SPAG6: variants seen among roughly 807,000 people sequenced by gnomAD.
The protein encoded by SPAG6 is sperm associated antigen 6.
Under a neutral mutation model 58.5 loss-of-function variants are expected in SPAG6, and 49 were observed. The ratio of observed to expected loss-of-function variants is 0.84; its 90% CI spans 0.67 to 1.06. The LOEUF (loss-of-function observed/expected upper bound fraction) is 1.06, where lower values mean the gene tolerates loss of function less well. SPAG6 is among the 50% of genes least tolerant of loss of function. The pLI, the probability that SPAG6 is intolerant of heterozygous loss-of-function variation, is 0.00. For missense variants in SPAG6, 560 were observed against 611.3 expected (o/e 0.92, Z 0.89); for synonymous variants, 233 against 225.6 (o/e 1.03, Z -0.29).
chr10:22,389,209 G>A lies in SPAG6; in HGVS notation c.902G>A (p.Cys301Tyr), dbSNP rs543285290. 1 of 1,613,440 alleles carries A rather than the reference G, an allele frequency of 6.2e-7. No individual in the cohort carries two copies. Among genetic ancestry groups the A allele is most frequent in the African/African-American group, 1.3e-5 (1 of 74,952 alleles). Residue 301 changes from cysteine (C) to tyrosine (Y), a missense_variant, in exon 7 of 11, where the codon TGC becomes TAC. Coordinates refer to ENST00000376624, the MANE Select transcript of SPAG6 (RefSeq NM_012443.4). The stretch of plus-strand genomic sequence containing the variant: ...GGAGGGGTTGCTGCCGTGATTGACT[G>A]CATTGGGTCCTGCAAAGGGAACACA... ...NAGGVAAVID[C>Y]IGSCKGNTRL...
chr10:22,367,522 G>A (rs549529610), intron 3 of SPAG6, among the ~76,000 whole-genome samples: 1 of 152,120 alleles, frequency 6.6e-6, no homozygotes, highest in East Asian at 1.9e-4. Context: ...TTTCAAAACA[G>A]GTGCTGTAGT....
chr10:22,357,016 C>T (rs1564361417), intron 2 of SPAG6, among the ~76,000 whole-genome samples: 1 of 152,156 alleles, frequency 6.6e-6, no homozygotes, highest in East Asian at 1.9e-4. Flanking sequence ...TTCCTGTCTC[C>T]CTTCTTGCAC....
intron 7 of SPAG6, among the ~76,000 whole-genome samples, chr10:22,391,488 G>T (rs1834182822): frequency 6.6e-6 from 1 of 152,188 alleles, no homozygotes; most frequent in East Asian, 1.9e-4. Context: ...CTATTTGGGG[G>T]GTAAAAGCTA....
chr10:22,387,793 T>C (rs1000140889), intron 5 of SPAG6, 30 bp from the exon 6 acceptor site: 1 of 1,588,858 alleles, frequency 6.3e-7, no homozygotes, highest in African/African-American at 1.4e-5. Context: ...TATAGTGTTT[T>C]GTTGTTGTTG....
chr10:22,410,802 T>C (rs1834712534), intron 9 of SPAG6, among the ~76,000 whole-genome samples: 1 of 152,238 alleles, frequency 6.6e-6, no homozygotes, highest in Non-Finnish European at 1.5e-5. Flanking sequence ...TGGATCTCCA[T>C]TGCCTTTGCC....
At chr10:22,402,284 TA>T (rs928833328) in intron 9 of SPAG6, among the ~76,000 whole-genome samples, 8 of 151,416 alleles carry the variant, frequency 5.3e-5, no homozygotes, top group African/African-American at 1.2e-4. Flanking sequence ...TTAAAAGATT[TA>T]AAAAAAAATG....
intron 2 of SPAG6, among the ~76,000 whole-genome samples, chr10:22,364,390 G>A (rs1398413546): frequency 1.3e-5 from 2 of 152,190 alleles, no homozygotes; most frequent in African/African-American, 4.8e-5. Flanking sequence ...GGATGAATAT[G>A]ATGAGCACTA....
chr10:22,345,538 G>GC lies in SPAG6; in HGVS notation c.-69dup. On this transcript the variant is annotated 5_prime_UTR_variant, in exon 1 of 11. Coordinates refer to ENST00000376624, the MANE Select transcript of SPAG6 (RefSeq NM_012443.4). The surrounding 1 kb of genome is among the most constrained non-coding windows in gnomAD (Gnocchi z 6.3). The stretch of plus-strand genomic sequence containing the variant: ...CGGAGGCCGAGTCGTCGCCACGATC[G>GC]CCCCCTTGGTGGACTCGCAGGCCGA... The GC allele has an allele frequency of 7.7e-7, 1 of 1,299,162 alleles. No individual in the cohort carries two copies. The highest frequency in any genetic ancestry group is 1.0e-6 in the Non-Finnish European group (1 of 954,784). The allele number at this position is 1,299,162 out of a possible 1,614,324, so 80.5% of individuals were successfully genotyped here.
At chr10:22,385,093 A>G (rs1248969691) in intron 4 of SPAG6, among the ~76,000 whole-genome samples, 2 of 152,178 alleles carry the variant, frequency 1.3e-5, no homozygotes, top group Admixed American at 1.3e-4. Context: ...TGACACTTGT[A>G]TAATTTGGAT....
intron 8 of SPAG6, among the ~76,000 whole-genome samples, chr10:22,394,581 C>A (rs954355000): frequency 4.6e-5 from 7 of 152,100 alleles, no homozygotes; most frequent in African/African-American, 1.7e-4. Context: ...TTTTTATTCC[C>A]CATAAAAGAA....
intron 10 of SPAG6, among the ~76,000 whole-genome samples, chr10:22,415,703 CATAG>C (rs1284806912): frequency 2.0e-5 from 3 of 152,066 alleles, no homozygotes; most frequent in Non-Finnish European, 4.4e-5. Context: ...AGCATCTGGG[CATAG>C]ATAAAGATAA....
rs1399101614 is a variant in SPAG6, at chr10:22,345,655, G to A, written c.25+19G>A. 4.5e-6 allele frequency: 7 copies of A among 1,557,302 alleles called. 1 individual carries two copies. In the South Asian group the frequency reaches 5.9e-5, roughly 13 times the overall value. The stretch of plus-strand genomic sequence containing the variant: ...CTGCAAGGTAGGGCCGAGGCGGGCA[G>A]GTGCCCTAACTAGCTGGCGCCGAGG... On this transcript the variant is annotated intron_variant, in intron 1 of 10. Coordinates refer to ENST00000376624, the MANE Select transcript of SPAG6 (RefSeq NM_012443.4). The surrounding 1 kb of genome is among the most constrained non-coding windows in gnomAD (Gnocchi z 6.3).
intron 10 of SPAG6, among the ~76,000 whole-genome samples, chr10:22,413,243 T>G (rs923734946): frequency 1.3e-5 from 2 of 151,536 alleles, no homozygotes; most frequent in Non-Finnish European, 2.9e-5. Context: ...TAGAAATTAA[T>G]CTAGTGCTGG....
chr10:22,400,565 C>A (rs1461496972), intron 8 of SPAG6, among the ~76,000 whole-genome samples: 1 of 151,472 alleles, frequency 6.6e-6, no homozygotes, highest in African/African-American at 2.4e-5. Flanking sequence ...GTGATACACT[C>A]CCTGTGTTGA....
chr10:22,378,284 G>T, intron 4 of SPAG6, among the ~76,000 whole-genome samples: 1 of 151,820 alleles, frequency 6.6e-6, no homozygotes, highest in East Asian at 1.9e-4. Flanking sequence ...GGTTAGTCTT[G>T]AACTCCTGAC....
intron 7 of SPAG6, 72 bp from the exon 8 acceptor site, chr10:22,391,657 T>C: frequency 1.5e-6 from 2 of 1,379,228 alleles, no homozygotes; most frequent in Non-Finnish European, 2.0e-6. Context: ...TCTTCTCATG[T>C]TTGAGAGACA....
At position 22,362,399 on chromosome 10, in the gene SPAG6, T is replaced by C. The variant is rs568745507; in HGVS notation, c.122-2454T>C. Among the ~76,000 whole-genome samples, 3 of 151,940 alleles carry C rather than the reference T, an allele frequency of 2.0e-5. No homozygotes were observed. In the South Asian group the frequency reaches 6.2e-4, roughly 32 times the overall value. On this transcript the variant is annotated intron_variant, in intron 2 of 10. Transcript: ENST00000376624. ...GTTAACAAATTTAGCTTTTCTTTTT[T>C]AGAGCATTGACTTATTTTAATTAAA...
At chr10:22,389,343 C>T in intron 7 of SPAG6, 31 bp downstream of exon 7, 1 of 1,599,906 alleles carries the variant, frequency 6.3e-7, no homozygotes, top group Non-Finnish European at 8.5e-7. Flanking sequence ...CTTCCAGTTG[C>T]AGTAAGAAAT....
At chr10:22,395,217 C>A (rs539606158) in intron 8 of SPAG6, among the ~76,000 whole-genome samples, 1 of 152,218 alleles carries the variant, frequency 6.6e-6, no homozygotes, top group African/African-American at 2.4e-5. Context: ...ATTATTGTAA[C>A]AAGTTTTCGT....
Sources: gnomAD v4.1 joint callset for allele counts (sites outside exome capture counted in the v4.1 genomes callset) on GRCh38, gnomAD v4.1.1 for gene constraint, Gnocchi (gnomAD v3.1) non-coding constraint, MANE v1.5 for transcripts, NCBI Gene and HGNC (gene_info 2026-07-23, HGNC 2026-07-21) for gene names.